MEGF11: variants seen among roughly 807,000 people sequenced by gnomAD.
The protein encoded by MEGF11 is multiple epidermal growth factor-like domains protein 11.
In MEGF11, 126 loss-of-function variants were observed where a neutral mutation model predicts 146.6. That is an observed-to-expected ratio of 0.86 (90% CI 0.74 to 1.00). The LOEUF (loss-of-function observed/expected upper bound fraction) is 1.00. Ranked by LOEUF, MEGF11 falls within the 50% of genes least tolerant of loss-of-function variation. MEGF11 has a pLI of 0.00. For synonymous variants in MEGF11, 532 were observed against 583.4 expected, an observed-to-expected ratio of 0.91 and a Z score of 1.27; for missense variants, 1,509 against 1,521.2, an observed-to-expected ratio of 0.99 and a Z score of 0.13.
chr15:66,069,793 A>C (rs1047912623), intron 5 of MEGF11, among the ~76,000 whole-genome samples: 1 of 152,246 alleles, frequency 6.6e-6, no homozygotes, highest in Non-Finnish European at 1.5e-5. Context: ...TTTTTCTATA[A>C]AGGGCCAGAT....
At chr15:66,100,751 G>A (rs975747839) in intron 4 of MEGF11, among the ~76,000 whole-genome samples, 1 of 151,494 alleles carries the variant, frequency 6.6e-6, no homozygotes, top group African/African-American at 2.4e-5. Flanking sequence ...GCTGTGCTGG[G>A]AATACCATAA....
intron 10 of MEGF11, among the ~76,000 whole-genome samples, chr15:65,942,556 T>C (rs2080034168): frequency 6.6e-6 from 1 of 152,136 alleles, no homozygotes; most frequent in South Asian, 2.1e-4. Flanking sequence ...GTGGTGGTGG[T>C]GGCGGTGCTG....
In MEGF11 at chr15:65,965,619, T is replaced by TCTTTCTTTCTTTTC. The variant is rs2081059626; in HGVS notation, c.900-500_900-499insGAAAAGAAAGAAAG. 8.2e-4 allele frequency among the ~76,000 whole-genome samples: 98 copies of TCTTTCTTTCTTTTC among 119,892 alleles called. 3 individuals carry two copies. Among genetic ancestry groups the TCTTTCTTTCTTTTC allele is most frequent in the Middle Eastern group, 4.7e-3 (1 of 212 alleles). The allele number at this position is 119,892 out of a possible 152,430, so 78.7% of individuals were successfully genotyped here. On this transcript the variant is annotated intron_variant, in intron 8 of 25. Coordinates refer to ENST00000395614, the MANE Select transcript of MEGF11 (RefSeq NM_001385028.1). ...TTCTTTCTTTTTTTTTTTTCTTTTT[T>TCTTTCTTTCTTTTC]TTTTTTTTGGCTCTTCTATTCTTTT...
chr15:65,970,953 T>G (rs1008340534), intron 7 of MEGF11: 6 of 496,190 alleles, frequency 1.2e-5, no homozygotes, highest in African/African-American at 9.6e-5. Flanking sequence ...TGATTCGATT[T>G]GATTCCTGTC....
chr15:66,067,419 T>C (rs954375656), intron 5 of MEGF11, among the ~76,000 whole-genome samples: 2 of 152,208 alleles, frequency 1.3e-5, no homozygotes, highest in Non-Finnish European at 2.9e-5. Context: ...CTGTTTCCAC[T>C]TTACAGATGG....
chr15:66,077,499 C>A (rs1434087436), intron 5 of MEGF11, among the ~76,000 whole-genome samples: 1 of 152,192 alleles, frequency 6.6e-6, no homozygotes, highest in Non-Finnish European at 1.5e-5. Flanking sequence ...AGCATCCAAC[C>A]CAGAGCCCCA....
chr15:65,906,032 C>T (rs568483060), intron 24 of MEGF11, 53 bp downstream of exon 24: 1 of 1,463,156 alleles, frequency 6.8e-7, no homozygotes, highest in East Asian at 2.3e-5. Context: ...CAGATCTGCA[C>T]TCTTTATCTT....
At chr15:66,225,001 C>T (rs575484706) in intron 1 of MEGF11, among the ~76,000 whole-genome samples, 6 of 152,158 alleles carry the variant, frequency 3.9e-5, no homozygotes, top group African/African-American at 1.4e-4. Flanking sequence ...AAGGGTCTTG[C>T]TGGAGAATAC....
chr15:66,140,348 A>T (rs1440828419), intron 1 of MEGF11, among the ~76,000 whole-genome samples: 1 of 152,234 alleles, frequency 6.6e-6, no homozygotes, highest in Non-Finnish European at 1.5e-5. Flanking sequence ...CTTCCAACTC[A>T]GTAGGAAATT....
intron 1 of MEGF11, among the ~76,000 whole-genome samples, chr15:66,143,360 G>A (rs549551169): frequency 4.6e-5 from 7 of 152,318 alleles, no homozygotes; most frequent in South Asian, 4.1e-4. Context: ...GGCAGCCTGC[G>A]GACAGGGGAT....
At chr15:66,128,728 GC>G (rs928266111) in intron 1 of MEGF11, among the ~76,000 whole-genome samples, 3 of 152,032 alleles carry the variant, frequency 2.0e-5, no homozygotes, top group Non-Finnish European at 4.4e-5. Context: ...GTGTCCTCAG[GC>G]CCCCGGGCCC....
At chr15:66,083,978 A>T (rs2085998732) in intron 5 of MEGF11, among the ~76,000 whole-genome samples, 1 of 152,222 alleles carries the variant, frequency 6.6e-6, no homozygotes, top group Non-Finnish European at 1.5e-5. Flanking sequence ...AACTCAGAGA[A>T]CAGGAGAAAA....
At chr15:65,914,039 G>C in intron 19 of MEGF11, 66 bp from the exon 20 acceptor site, 2 of 1,280,300 alleles carry the variant, frequency 1.6e-6, no homozygotes, top group East Asian at 2.4e-5. Context: ...CCTGGGCCTG[G>C]GTTCAGATGC....
intron 4 of MEGF11, among the ~76,000 whole-genome samples, chr15:66,096,325 C>T (rs1034583981): frequency 1.3e-5 from 2 of 152,236 alleles, no homozygotes; most frequent in African/African-American, 4.8e-5. Context: ...TTGCAACCTG[C>T]CGAGTGTCAG....
intron 5 of MEGF11, among the ~76,000 whole-genome samples, chr15:66,043,899 G>T (rs1211658327): frequency 1.3e-5 from 2 of 152,208 alleles, no homozygotes; most frequent in African/African-American, 4.8e-5. Flanking sequence ...TGGGCAAGGG[G>T]GAAAGGGAGT....
chr15:65,909,876 G>A lies in MEGF11; in HGVS notation c.2830-70C>T, dbSNP rs775392602. The A allele has an allele frequency of 4.5e-5, 59 of 1,312,412 alleles. No homozygotes were observed. The Middle Eastern group carries it at 5.4e-4, about 12-fold the overall frequency. The allele number at this position is 1,312,412 out of a possible 1,614,324, so 81.3% of individuals were successfully genotyped here. A position where few individuals can be genotyped will look rare whatever the true frequency, so the allele number is the denominator to read the frequency against. ...TACCCCTCCCCAGTCTTCACTTTGC[G>A]TAGCTTCAGTGCACACACCCTGTAA... On this transcript the variant is annotated intron_variant, in intron 21 of 25. Transcript: ENST00000395614.
At chr15:66,105,681 G>C (rs2087035805) in intron 4 of MEGF11, among the ~76,000 whole-genome samples, 1 of 152,234 alleles carries the variant, frequency 6.6e-6, no homozygotes, top group Non-Finnish European at 1.5e-5. Flanking sequence ...GAGGACTGAA[G>C]GATGTTTGAG....
chr15:66,042,581 T>G (rs931893984), intron 5 of MEGF11, among the ~76,000 whole-genome samples: 1 of 152,142 alleles, frequency 6.6e-6, no homozygotes, highest in Non-Finnish European at 1.5e-5. Flanking sequence ...ACTGGGTGGC[T>G]TAAAACACAG....
At chr15:66,082,372 G>A (rs776440201) in intron 5 of MEGF11, among the ~76,000 whole-genome samples, 2 of 123,530 alleles carry the variant, frequency 1.6e-5, no homozygotes, top group Non-Finnish European at 3.1e-5. Flanking sequence ...CAGATCACCC[G>A]AGGTGAGGAG....
Sources: gnomAD v4.1 joint callset for allele counts (sites outside exome capture counted in the v4.1 genomes callset) on GRCh38, gnomAD v4.1.1 for gene constraint, MANE v1.5 for transcripts, NCBI Gene and HGNC (gene_info 2026-07-23, HGNC 2026-07-21) for gene names.